The following ST6GALNAC3 variants were observed in gnomAD, a reference collection of about 807,000 sequenced individuals.
ST6GALNAC3 encodes ST6 N-acetylgalactosaminide alpha-2,6-sialyltransferase 3, also known as alpha-N-acetylgalactosaminide alpha-2,6-sialyltransferase 3.
ST6GALNAC3 carries 25 observed loss-of-function variants against 32.7 expected under a neutral mutation model. That is an observed-to-expected ratio of 0.76 (90% confidence interval 0.56 to 1.07). The LOEUF is 1.07. Ranked by LOEUF, ST6GALNAC3 falls within the 50% of genes least tolerant of loss-of-function variation. The pLI is 0.00. For missense variants in ST6GALNAC3, 355 were observed against 382.4 expected, an observed-to-expected ratio of 0.93 and a Z score of 0.60; for synonymous variants, 129 against 133.1, an observed-to-expected ratio of 0.97 and a Z score of 0.21.
intron 1 of ST6GALNAC3, among the ~76,000 whole-genome samples, chr1:76,204,972 G>T (rs138355669): frequency 6.6e-6 from 1 of 152,130 alleles, no homozygotes; most frequent in Non-Finnish European, 1.5e-5. Context: ...TGCACATAGT[G>T]AGCCCTCAGT....
intron 1 of ST6GALNAC3, among the ~76,000 whole-genome samples, chr1:76,296,276 G>A (rs918100990): frequency 1.3e-5 from 2 of 152,050 alleles, no homozygotes; most frequent in Admixed American, 1.3e-4. Flanking sequence ...GGAAGTGTGT[G>A]TGTCTGTGTG....
chr1:76,459,639 G>T (rs1338872703), intron 3 of ST6GALNAC3, among the ~76,000 whole-genome samples: 1 of 151,986 alleles, frequency 6.6e-6, no homozygotes, highest in Non-Finnish European at 1.5e-5. Flanking sequence ...AAACCTACTT[G>T]TGCCTTGTTG....
At chr1:76,483,050 T>C (rs1659841686) in intron 3 of ST6GALNAC3, among the ~76,000 whole-genome samples, 1 of 152,148 alleles carries the variant, frequency 6.6e-6, no homozygotes, top group Non-Finnish European at 1.5e-5. Flanking sequence ...ACAAAGGACA[T>C]GAACTTATCC....
intron 3 of ST6GALNAC3, among the ~76,000 whole-genome samples, chr1:76,467,907 C>T (rs1658748897): frequency 6.6e-6 from 1 of 151,950 alleles, no homozygotes; most frequent in Non-Finnish European, 1.5e-5. Flanking sequence ...AAGTCTAAAG[C>T]AGTACTCAGG....
At chr1:76,443,738 G>T (rs1429534831) in intron 3 of ST6GALNAC3, among the ~76,000 whole-genome samples, 3 of 152,156 alleles carry the variant, frequency 2.0e-5, no homozygotes, top group Non-Finnish European at 4.4e-5. Context: ...AATTATTTAT[G>T]ATTTCAAAAG....
intron 3 of ST6GALNAC3, among the ~76,000 whole-genome samples, chr1:76,537,896 A>G (rs891267176): frequency 6.6e-6 from 1 of 152,042 alleles, no homozygotes; most frequent in Admixed American, 6.5e-5. Flanking sequence ...AACCAAAAAA[A>G]AGACCATGAC....
intron 1 of ST6GALNAC3, among the ~76,000 whole-genome samples, chr1:76,176,788 G>T (rs1177589116): frequency 2.0e-5 from 3 of 152,220 alleles, no homozygotes; most frequent in Non-Finnish European, 1.5e-5. Flanking sequence ...AGAGGTTAAT[G>T]GAGGGGAATG....
intron 1 of ST6GALNAC3, among the ~76,000 whole-genome samples, chr1:76,310,707 C>A (rs1316060946): frequency 6.6e-6 from 1 of 152,160 alleles, no homozygotes; most frequent in African/African-American, 2.4e-5. Flanking sequence ...AATGCAACAA[C>A]AATAAACATT....
At chr1:76,376,060 G>C (rs1224928139) in intron 2 of ST6GALNAC3, among the ~76,000 whole-genome samples, 1 of 151,728 alleles carries the variant, frequency 6.6e-6, no homozygotes. Flanking sequence ...GTAGATGCTA[G>C]ACTCTTACTT....
At chr1:76,302,522 T>G (rs1395543912) in intron 1 of ST6GALNAC3, among the ~76,000 whole-genome samples, 5 of 152,074 alleles carry the variant, frequency 3.3e-5, no homozygotes, top group Non-Finnish European at 4.4e-5. Context: ...CTTTTCTTTC[T>G]TATTCTATTT....
intron 1 of ST6GALNAC3, among the ~76,000 whole-genome samples, chr1:76,127,665 A>G (rs1284283242): frequency 6.6e-6 from 1 of 152,168 alleles, no homozygotes; most frequent in East Asian, 1.9e-4. Flanking sequence ...AGTAGCATCG[A>G]ATGTTGGAAT....
intron 2 of ST6GALNAC3, among the ~76,000 whole-genome samples, chr1:76,349,152 G>T (rs946004212): frequency 6.6e-6 from 1 of 152,116 alleles, no homozygotes; most frequent in Non-Finnish European, 1.5e-5. Flanking sequence ...AGTACCAGTG[G>T]TGTGTATCCT....
chr1:76,134,430 C>G (rs986972759), intron 1 of ST6GALNAC3, among the ~76,000 whole-genome samples: 7 of 152,212 alleles, frequency 4.6e-5, no homozygotes, highest in Non-Finnish European at 1.0e-4. Flanking sequence ...GGGCACTGGA[C>G]AGATGACACC....
chr1:76,567,694 A>G (rs1035390961), intron 3 of ST6GALNAC3, among the ~76,000 whole-genome samples: 13 of 152,304 alleles, frequency 8.5e-5, no homozygotes, highest in African/African-American at 1.9e-4. Context: ...TGAGAAATAG[A>G]TATCTCTTGT....
At chr1:76,448,462 T>G (rs1657145780) in intron 3 of ST6GALNAC3, among the ~76,000 whole-genome samples, 1 of 152,090 alleles carries the variant, frequency 6.6e-6, no homozygotes. Context: ...CATGATTAGT[T>G]TTGAAATGTG....
chr1:76,201,498 A>G (rs1364457827), intron 1 of ST6GALNAC3, among the ~76,000 whole-genome samples: 3 of 152,222 alleles, frequency 2.0e-5, no homozygotes, highest in Admixed American at 2.0e-4. Context: ...GTGGGAACAC[A>G]GCCAAACCAT....
At chr1:76,178,454 TG>T (rs757337646) in intron 1 of ST6GALNAC3, among the ~76,000 whole-genome samples, 17 of 152,190 alleles carry the variant, frequency 1.1e-4, no homozygotes, top group Admixed American at 3.3e-4. Flanking sequence ...AGTTACAAGT[TG>T]TAGCTGACCT....
At chr1:76,392,991 C>T (rs1407876956) in intron 2 of ST6GALNAC3, among the ~76,000 whole-genome samples, 1 of 152,124 alleles carries the variant, frequency 6.6e-6, no homozygotes, top group Non-Finnish European at 1.5e-5. Flanking sequence ...AACCATTCCC[C>T]TTTGCATGCA....
chr1:76,100,442 A>C (rs1193469766), intron 1 of ST6GALNAC3, among the ~76,000 whole-genome samples: 1 of 152,172 alleles, frequency 6.6e-6, no homozygotes, highest in East Asian at 1.9e-4. Flanking sequence ...GCATCTATTA[A>C]AATTATTATA....
Sources: allele counts gnomAD v4.1 joint callset (sites outside exome capture counted in the v4.1 genomes callset), GRCh38; gene constraint gnomAD v4.1.1; transcripts MANE v1.5; gene names NCBI Gene and HGNC (gene_info 2026-07-23, HGNC 2026-07-21).